INPP4B: variants seen among roughly 807,000 people sequenced by gnomAD.
INPP4B encodes inositol polyphosphate 4-phosphatase type II.
In INPP4B, 55 loss-of-function variants were observed where a neutral mutation model predicts 122.5. That is an observed-to-expected ratio of 0.45 (90% confidence interval 0.36 to 0.56). INPP4B has a LOEUF of 0.56. Among genes scored for constraint, INPP4B ranks in the 20% least tolerant of loss-of-function variants. The probability of loss-of-function intolerance (pLI) is 0.00; values close to 1 mark genes in which losing one functional copy is unlikely to be tolerated. For missense variants in INPP4B, 1,000 were observed against 1,097.7 expected, an observed-to-expected ratio of 0.91 and a Z score of 1.26; for synonymous variants, 403 against 388.7, an observed-to-expected ratio of 1.04 and a Z score of -0.43.
At chr4:142,766,561 G>A (rs1462856862) in intron 1 of INPP4B, among the ~76,000 whole-genome samples, 1 of 152,000 alleles carries the variant, frequency 6.6e-6, no homozygotes, top group Non-Finnish European at 1.5e-5. Context: ...AGTAGAGACA[G>A]GGTTTCACCA....
chr4:142,603,730 C>A (rs995951743), intron 2 of INPP4B, among the ~76,000 whole-genome samples: 1 of 151,864 alleles, frequency 6.6e-6, no homozygotes, highest in African/African-American at 2.4e-5. Flanking sequence ...AAAAAAGTCT[C>A]CAAAGAAAGA....
chr4:142,422,490 A>G (rs1050528947), intron 5 of INPP4B, among the ~76,000 whole-genome samples: 1 of 151,958 alleles, frequency 6.6e-6, no homozygotes, highest in African/African-American at 2.4e-5. Context: ...TCAATGTTTT[A>G]TAAGGGATGT....
At chr4:142,497,441 T>C (rs550891585) in intron 2 of INPP4B, among the ~76,000 whole-genome samples, 2 of 152,252 alleles carry the variant, frequency 1.3e-5, no homozygotes, top group South Asian at 2.1e-4. Flanking sequence ...CTGTTAATAA[T>C]GAAAACCTCA....
chr4:142,073,882 T>G (rs2152496015), intron 25 of INPP4B, among the ~76,000 whole-genome samples: 1 of 152,166 alleles, frequency 6.6e-6, no homozygotes, highest in East Asian at 1.9e-4. Context: ...TTGGACTAGT[T>G]CTTGCTACAC....
In INPP4B at chr4:142,233,018, G is replaced by C. The variant is rs572261338; in HGVS notation, c.836+4846C>G. ...CAGACATTGGTTCATGAAGTTTAAG[G>C]AAAGAAGCCCTCCTCATAACATAAA... On this transcript the variant is annotated intron_variant, in intron 12 of 25. Coordinates refer to ENST00000262992, the MANE Select transcript of INPP4B (RefSeq NM_001101669.3). Among the ~76,000 whole-genome samples the C allele has an allele frequency of 2.2e-4, 33 of 152,248 alleles. No homozygotes were observed. In the South Asian group the frequency reaches 2.9e-3, roughly 13 times the overall value.
chr4:142,100,356 G>A (rs926210878), intron 23 of INPP4B, among the ~76,000 whole-genome samples: 8 of 151,926 alleles, frequency 5.3e-5, no homozygotes, highest in South Asian at 2.1e-4. Context: ...TTCCATTCAC[G>A]GTCCCAGGTT....
At position 142,173,712 on chromosome 4, in the gene INPP4B, G is replaced by T. The variant is rs561832739; in HGVS notation, c.1279C>A (p.His427Asn). Residue 427 changes from histidine to asparagine, a missense_variant, in exon 16 of 26, where the codon CAT becomes AAT. Coordinates refer to ENST00000262992, the MANE Select transcript of INPP4B (RefSeq NM_001101669.3). ...GCAGAATTAAGCAGTAGGTCTGCAT[G>T]GGTTGCTATAAGAGGTTGTAGTTGA... is the stretch of plus-strand genomic sequence containing the variant. The part of the protein sequence containing the change: ...INQLQPLIAT[H>N]ADLLLNSASQ... 1 of 1,613,304 alleles carries T rather than the reference G, an allele frequency of 6.2e-7. No individual in the cohort carries two copies. Among genetic ancestry groups the T allele is most frequent in the South Asian group, 1.1e-5 (1 of 91,046 alleles).
chr4:142,703,662 T>C (rs1330411273), intron 2 of INPP4B, among the ~76,000 whole-genome samples: 5 of 152,196 alleles, frequency 3.3e-5, no homozygotes, highest in African/African-American at 1.2e-4. Flanking sequence ...TCATCGTTTC[T>C]GAAAGAATGA....
chr4:142,705,705 A>G (rs1762397497), intron 2 of INPP4B, among the ~76,000 whole-genome samples: 1 of 152,128 alleles, frequency 6.6e-6, no homozygotes, highest in Non-Finnish European at 1.5e-5. Context: ...AATGTCTCTA[A>G]GCTTTCATCT....
intron 17 of INPP4B, among the ~76,000 whole-genome samples, chr4:142,157,253 G>A (rs1167850014): frequency 2.0e-5 from 3 of 152,058 alleles, no homozygotes; most frequent in Admixed American, 2.0e-4. Flanking sequence ...TGAGAATAAT[G>A]TTAGTGTTTA....
At chr4:142,150,463 G>A (rs1249039105) in intron 17 of INPP4B, among the ~76,000 whole-genome samples, 3 of 152,124 alleles carry the variant, frequency 2.0e-5, no homozygotes, top group South Asian at 2.1e-4. Flanking sequence ...ATGGGGAATC[G>A]GCAGGTTAAA....
intron 2 of INPP4B, among the ~76,000 whole-genome samples, chr4:142,627,727 GTC>G (rs1746815655): frequency 6.6e-6 from 1 of 151,916 alleles, no homozygotes; most frequent in Non-Finnish European, 1.5e-5. Flanking sequence ...TTTTGGTTGT[GTC>G]TCTGCCCAGC....
intron 2 of INPP4B, among the ~76,000 whole-genome samples, chr4:142,656,062 C>T (rs1163580435): frequency 1.3e-5 from 2 of 152,132 alleles, no homozygotes; most frequent in Admixed American, 6.5e-5. Context: ...TGGAGAAACA[C>T]CAACCAGCCT....
intron 25 of INPP4B, among the ~76,000 whole-genome samples, chr4:142,077,735 A>T (rs1771588296): frequency 6.6e-6 from 1 of 151,834 alleles, no homozygotes; most frequent in Admixed American, 6.6e-5. Flanking sequence ...TTGTGGTACA[A>T]CTTGTGCCAT....
At chr4:142,166,378 C>A (rs958619429) in intron 16 of INPP4B, among the ~76,000 whole-genome samples, 2 of 151,750 alleles carry the variant, frequency 1.3e-5, no homozygotes, top group African/African-American at 4.8e-5. Context: ...ACACCTTTTA[C>A]AAAAACTAAC....
chr4:142,037,792 A>G (rs1744899238), intron 25 of INPP4B, among the ~76,000 whole-genome samples: 1 of 152,166 alleles, frequency 6.6e-6, no homozygotes, highest in South Asian at 2.1e-4. Flanking sequence ...AATCCTGCAG[A>G]TCTGTGTAAA....
chr4:142,153,565 G>T, intron 17 of INPP4B, among the ~76,000 whole-genome samples: 1 of 152,144 alleles, frequency 6.6e-6, no homozygotes, highest in Non-Finnish European at 1.5e-5. Flanking sequence ...ATCCAAGGGA[G>T]ATGATGGTAT....
rs762004513 is a variant in INPP4B, at chr4:142,402,996, T to C, written c.314A>G (p.Tyr105Cys). ...GVTFPSEYPI[Y>C]EETKIKLTVY... ...TGTTAGTTTTATTTTGGTCTCCTCA[T>C]AGATGGGATACTCAGATGGGAATGT... The change falls in exon 7 of 26, where the codon TAT becomes TGT. Residue 105 changes from tyrosine (Y) to cysteine (C), a missense_variant. Coordinates refer to ENST00000262992, the MANE Select transcript of INPP4B (RefSeq NM_001101669.3). 2.8e-5 allele frequency: 45 copies of C among 1,611,424 alleles called. No individual in the cohort carries two copies. In the South Asian group the frequency reaches 4.4e-4, roughly 16 times the overall value.
intron 2 of INPP4B, among the ~76,000 whole-genome samples, chr4:142,561,039 C>G (rs1205696046): frequency 6.6e-6 from 1 of 152,142 alleles, no homozygotes; most frequent in African/African-American, 2.4e-5. Context: ...CTGCCAAATC[C>G]ATATCATGAA....
Sources: gnomAD v4.1 joint callset for allele counts (sites outside exome capture counted in the v4.1 genomes callset) on GRCh38, gnomAD v4.1.1 for gene constraint, MANE v1.5 for transcripts, NCBI Gene and HGNC (gene_info 2026-07-23, HGNC 2026-07-21) for gene names.